The following ANKS1B variants were observed in gnomAD, a reference collection of about 807,000 sequenced individuals.
ANKS1B encodes the protein ankyrin repeat and sterile alpha motif domain-containing protein 1B.
In ANKS1B, 36 loss-of-function variants were observed where a neutral mutation model predicts 148.3. That is an observed-to-expected ratio of 0.24 (90% CI 0.19 to 0.32). The LOEUF is 0.32. Ranked by LOEUF, ANKS1B falls within the 10% of genes least tolerant of loss-of-function variation. ANKS1B has a pLI of 1.00. For missense variants in ANKS1B, 1,157 were observed against 1,542.6 expected (o/e 0.75, Z 4.19); for synonymous variants, 542 against 560.8 (o/e 0.97, Z 0.47).
intron 1 of ANKS1B, among the ~76,000 whole-genome samples, chr12:99,912,675 C>A (rs1283256262): frequency 2.6e-5 from 4 of 152,038 alleles, no homozygotes; most frequent in Non-Finnish European, 5.9e-5. Flanking sequence ...TTAACACTGA[C>A]AAATTTTACT....
At chr12:98,747,717 A>G (rs901864570) in intron 26 of ANKS1B, among the ~76,000 whole-genome samples, 1 of 152,274 alleles carries the variant, frequency 6.6e-6, no homozygotes, top group Non-Finnish European at 1.5e-5. Context: ...GTGTCCATCA[A>G]TGGACGAATG....
chr12:99,534,063 C>T (rs1177868372), intron 9 of ANKS1B, among the ~76,000 whole-genome samples: 1 of 151,986 alleles, frequency 6.6e-6, no homozygotes, highest in African/African-American at 2.4e-5. Context: ...AATATGGTAA[C>T]ATAAAGGTAA....
chr12:99,332,749 T>C (rs1004889223), intron 12 of ANKS1B, among the ~76,000 whole-genome samples: 8 of 150,776 alleles, frequency 5.3e-5, no homozygotes, highest in Non-Finnish European at 1.2e-4. Flanking sequence ...GTGGGCAGGA[T>C]GAAGGAAGGG....
intron 17 of ANKS1B, among the ~76,000 whole-genome samples, chr12:98,846,001 C>CAT (rs1304997473): frequency 1.5e-5 from 2 of 136,360 alleles, no homozygotes; most frequent in East Asian, 4.3e-4. Flanking sequence ...CACACACACA[C>CAT]ACACATATAT....
At chr12:99,780,377 G>A (rs1307824358) in intron 5 of ANKS1B, among the ~76,000 whole-genome samples, 6 of 151,966 alleles carry the variant, frequency 3.9e-5, no homozygotes, top group Non-Finnish European at 7.4e-5. Flanking sequence ...CCAGGTTCAC[G>A]CCATTCTCCT....
chr12:98,873,010 C>A (rs1189534574), intron 17 of ANKS1B, among the ~76,000 whole-genome samples: 1 of 152,182 alleles, frequency 6.6e-6, no homozygotes, highest in East Asian at 1.9e-4. Context: ...CTGAGAGGAT[C>A]CATCTTGTAA....
chr12:99,241,733 G>C (rs768822168), intron 14 of ANKS1B, among the ~76,000 whole-genome samples: 11 of 152,176 alleles, frequency 7.2e-5, no homozygotes, highest in Non-Finnish European at 1.3e-4. Context: ...GGGAGGCCAG[G>C]TTGGTTCAAC....
chr12:99,844,267 G>T (rs2086249417), intron 1 of ANKS1B, among the ~76,000 whole-genome samples: 1 of 152,008 alleles, frequency 6.6e-6, no homozygotes, highest in Non-Finnish European at 1.5e-5. Context: ...GTCAATTTTT[G>T]CTTTTGTGGC....
intron 15 of ANKS1B, among the ~76,000 whole-genome samples, chr12:99,111,627 C>A (rs77581080): frequency 2.6e-5 from 4 of 151,996 alleles, no homozygotes; most frequent in Admixed American, 1.3e-4. Flanking sequence ...GTCCCCTACA[C>A]GGCTCTGTAT....
intron 1 of ANKS1B, among the ~76,000 whole-genome samples, chr12:99,931,750 C>T (rs2094621920): frequency 6.6e-6 from 1 of 152,130 alleles, no homozygotes; most frequent in South Asian, 2.1e-4. Context: ...GTATCCATCA[C>T]CTCAAGCATT....
chr12:99,665,505 C>CGGA (rs2098501846), intron 8 of ANKS1B, among the ~76,000 whole-genome samples: 1 of 150,112 alleles, frequency 6.7e-6, no homozygotes, highest in Admixed American at 6.6e-5. Context: ...TTTTTTTAGA[C>CGGA]GGAGTATCAC....
In ANKS1B at chr12:98,946,207, C is replaced by A. The variant is rs1365648372; in HGVS notation, c.2778+106950G>T. On this transcript the variant is annotated intron_variant, in intron 17 of 26. Coordinates refer to ENST00000683438, the MANE Select transcript of ANKS1B (RefSeq NM_001352186.2). ...TTAAGTGAAAGTCTCAAAGAGTCAT[C>A]TTTCCCCATCCCAAACTGATTCTAG... 5.9e-5 allele frequency among the ~76,000 whole-genome samples: 9 copies of A among 152,332 alleles called. No individual in the cohort carries two copies. In the East Asian group the frequency reaches 9.7e-4, roughly 16 times the overall value.
At position 98,782,110 on chromosome 12, in the gene ANKS1B, A is replaced by G. The variant is rs955803770; in HGVS notation, c.3354+16T>C. 6 of 1,595,338 alleles carry G rather than the reference A, an allele frequency of 3.8e-6. No homozygotes were observed. The East Asian group carries it at 1.1e-4, about 30-fold the overall frequency. On this transcript the variant is annotated intron_variant, in intron 23 of 26. Transcript: ENST00000683438. ...TATACTAGTAATAATCACACTAAACATCAAGAAGAACCTACCTGACAGTTA... is the reference window on the plus strand; with the variant it reads ...TATACTAGTAATAATCACACTAAACGTCAAGAAGAACCTACCTGACAGTTA...
At chr12:99,202,463 G>C (rs182828929) in intron 14 of ANKS1B, among the ~76,000 whole-genome samples, 3 of 152,182 alleles carry the variant, frequency 2.0e-5, no homozygotes, top group Non-Finnish European at 4.4e-5. Flanking sequence ...ATGATGGTTA[G>C]TTCTCATTTC....
At chr12:99,540,141 A>G (rs1188073401) in intron 9 of ANKS1B, among the ~76,000 whole-genome samples, 1 of 152,174 alleles carries the variant, frequency 6.6e-6, no homozygotes, top group Non-Finnish European at 1.5e-5. Flanking sequence ...TACACCTAAA[A>G]ATAGGGCCTC....
chr12:99,885,567 T>C (rs1050751412), intron 1 of ANKS1B, among the ~76,000 whole-genome samples: 3 of 152,118 alleles, frequency 2.0e-5, no homozygotes, highest in Non-Finnish European at 2.9e-5. Context: ...CCTCCCAAAG[T>C]GCTGGGATTA....
At chr12:99,068,077 A>G (rs762028327) in intron 16 of ANKS1B, among the ~76,000 whole-genome samples, 30 of 152,136 alleles carry the variant, frequency 2.0e-4, no homozygotes, top group Admixed American at 1.3e-4. Flanking sequence ...CATCATATGT[A>G]TAACATCATT....
intron 25 of ANKS1B, among the ~76,000 whole-genome samples, chr12:98,756,432 C>T (rs989695168): frequency 3.3e-5 from 5 of 151,660 alleles, no homozygotes; most frequent in Non-Finnish European, 7.4e-5. Context: ...TACCCAGTCT[C>T]GGGTATGTCT....
intron 20 of ANKS1B, among the ~76,000 whole-genome samples, chr12:98,807,105 G>T (rs1358617997): frequency 6.6e-6 from 1 of 152,104 alleles, no homozygotes; most frequent in Admixed American, 6.5e-5. Context: ...TGTGAAAATA[G>T]AATAGTATTT....
Sources: gnomAD v4.1 joint callset for allele counts (sites outside exome capture counted in the v4.1 genomes callset) on GRCh38, gnomAD v4.1.1 for gene constraint, MANE v1.5 for transcripts, NCBI Gene and HGNC (gene_info 2026-07-23, HGNC 2026-07-21) for gene names.